BLTP2: variants seen among roughly 807,000 people sequenced by gnomAD.
BLTP2 encodes U937-associated antigen.
At chr17:28,634,373 A>G in the BLTP2 span, 1 of 816,952 alleles carries the variant, frequency 1.2e-6, no homozygotes, top group Admixed American at 2.5e-5. Context: ...GAACAAAGAA[A>G]GGGAAGGGAA....
chr17:28,624,117 G>A, the BLTP2 span: 3 of 1,406,556 alleles, frequency 2.1e-6, no homozygotes, highest in Non-Finnish European at 2.9e-6. Flanking sequence ...TGATACCTAT[G>A]AGAAGGCCAA....
the BLTP2 span, chr17:28,644,968 G>C: frequency 1.3e-6 from 2 of 1,561,214 alleles, no homozygotes; most frequent in Non-Finnish European, 8.7e-7. Context: ...CGCCGCCGCC[G>C]GCGCGGCCGG....
At chr17:28,636,733 T>C in the BLTP2 span, among the ~76,000 whole-genome samples, 32 of 152,222 alleles carry the variant, frequency 2.1e-4, no homozygotes, top group African/African-American at 7.7e-4. Flanking sequence ...TGAAACCAGT[T>C]TCACAACATG....
At chr17:28,632,264 C>T in the BLTP2 span, 7,204 of 1,572,766 alleles carry the variant, frequency 4.6e-3, 26 homozygotes, top group Non-Finnish European at 5.6e-3. Context: ...ACAGACATTT[C>T]CTAGTTATGG....
the BLTP2 span, chr17:28,616,024 C>G: frequency 1.6e-6 from 2 of 1,271,092 alleles, no homozygotes; most frequent in Admixed American, 3.4e-5. The surrounding 1 kb of genome is among the most constrained non-coding windows in gnomAD (Gnocchi z 4.8). Flanking sequence ...TAGCTGTCTC[C>G]CTGTATAGAA....
chr17:28,623,985 C>T, the BLTP2 span: 3 of 1,609,194 alleles, frequency 1.9e-6, no homozygotes, highest in Non-Finnish European at 1.7e-6. Context: ...GAGATAGAAG[C>T]AGAGTTAAGC....
the BLTP2 span, among the ~76,000 whole-genome samples, chr17:28,625,356 AAAG>A: frequency 1.4e-5 from 2 of 144,562 alleles, no homozygotes; most frequent in East Asian, 2.0e-4. Flanking sequence ...AAAAAAAAAA[AAAG>A]AAAAAGAAAA....
the BLTP2 span, among the ~76,000 whole-genome samples, chr17:28,636,331 A>G: frequency 1.2e-3 from 189 of 152,332 alleles, no homozygotes; most frequent in Non-Finnish European, 2.1e-3. Context: ...CCCTGAGGAT[A>G]AAGATACTGG....
At chr17:28,621,324 A>T in the BLTP2 span, 1 of 1,433,974 alleles carries the variant, frequency 7.0e-7, no homozygotes, top group Admixed American at 1.7e-5. Context: ...CGTTAAGAAT[A>T]GGTAGGGAAA....
chr17:28,620,741 T>A, the BLTP2 span: 5 of 1,239,408 alleles, frequency 4.0e-6, no homozygotes, highest in East Asian at 2.3e-5. Context: ...ACAGAAAGGG[T>A]GAGAGTTGCT....
the BLTP2 span, chr17:28,632,225 G>T: frequency 1.9e-6 from 3 of 1,600,324 alleles, no homozygotes; most frequent in Non-Finnish European, 2.6e-6. Context: ...AGCAGAATTC[G>T]GGGCTGGGAT....
chr17:28,642,512 G>C, the BLTP2 span: 1 of 602,154 alleles, frequency 1.7e-6, no homozygotes, highest in East Asian at 2.8e-5. Flanking sequence ...TTAGCCAGGC[G>C]CGGTGGCGGC....
the BLTP2 span, chr17:28,616,949 G>A: frequency 6.2e-7 from 1 of 1,614,152 alleles, no homozygotes; most frequent in Non-Finnish European, 8.5e-7. This position sits in a 1 kb window ranked among gnomAD's most constrained non-coding sequence, Gnocchi z 4.8. Flanking sequence ...TGAAGAGGCG[G>A]AGAGCTAGCT....
chr17:28,634,932 A>T, the BLTP2 span: 2 of 1,613,924 alleles, frequency 1.2e-6, no homozygotes, highest in South Asian at 2.2e-5. Flanking sequence ...TCACCTCAAA[A>T]ACATCATCCA....
At chr17:28,631,781 G>C in the BLTP2 span, 1 of 1,605,332 alleles carries the variant, frequency 6.2e-7, no homozygotes, top group Non-Finnish European at 8.5e-7. Context: ...GAAAAACAAG[G>C]AACAGGATAG....
At chr17:28,630,648 T>A in the BLTP2 span, among the ~76,000 whole-genome samples, 1 of 151,920 alleles carries the variant, frequency 6.6e-6, no homozygotes, top group South Asian at 2.1e-4. Context: ...TCCCAGCTAA[T>A]TCTTTTGTAT....
At chr17:28,635,866 T>C in the BLTP2 span, 1 of 411,694 alleles carries the variant, frequency 2.4e-6, no homozygotes. Flanking sequence ...TGTCTGAAAA[T>C]AGGGGCCATG....
chr17:28,624,328 C>T, the BLTP2 span: 1 of 1,614,116 alleles, frequency 6.2e-7, no homozygotes. Context: ...ATGCCTGATT[C>T]CTCTTCTGTG....
At chr17:28,626,786 A>T in the BLTP2 span, among the ~76,000 whole-genome samples, 2 of 152,234 alleles carry the variant, frequency 1.3e-5, no homozygotes, top group African/African-American at 2.4e-5. Flanking sequence ...CATACCTCGC[A>T]CTATGCATCT....
Sources: gnomAD v4.1 joint callset for allele counts (sites outside exome capture counted in the v4.1 genomes callset) on GRCh38, gnomAD v4.1.1 for gene constraint, Gnocchi (gnomAD v3.1) non-coding constraint, MANE v1.5 for transcripts, NCBI Gene and HGNC (gene_info 2026-07-23, HGNC 2026-07-21) for gene names.